CSMD1: variants seen among roughly 807,000 people sequenced by gnomAD.
CSMD1 encodes CUB and sushi domain-containing protein 1.
A neutral mutation model predicts 417.5 loss-of-function variants in CSMD1; 213 were observed. The ratio of observed to expected loss-of-function variants is 0.51; its 90% confidence interval spans 0.46 to 0.57. CSMD1 has a LOEUF of 0.57. Ranked by LOEUF, CSMD1 falls within the 20% of genes least tolerant of loss-of-function variation. CSMD1 has a pLI of 0.00. For synonymous variants in CSMD1, 2,862 were observed against 1,736.8 expected, an observed-to-expected ratio of 1.65 and a Z score of -16.11; for missense variants, 6,923 against 4,529.7, an observed-to-expected ratio of 1.53 and a Z score of -15.17.
intron 2 of CSMD1, among the ~76,000 whole-genome samples, chr8:4,608,796 G>C (rs1297525667): frequency 6.6e-6 from 1 of 152,156 alleles, no homozygotes; most frequent in Non-Finnish European, 1.5e-5. Context: ...CTGAATGTGT[G>C]ATACACATGA....
chr8:4,191,773 G>A (rs1312551094), intron 3 of CSMD1, among the ~76,000 whole-genome samples: 1 of 147,142 alleles, frequency 6.8e-6, no homozygotes, highest in African/African-American at 2.5e-5. Flanking sequence ...TGGTGGTTCA[G>A]TTCATCCTGT....
At position 4,208,805 on chromosome 8, in the gene CSMD1, T is replaced by C. The variant is rs1782820450; in HGVS notation, c.416-176706A>G. Among the ~76,000 whole-genome samples, 4 of 152,340 alleles carry C rather than the reference T, an allele frequency of 2.6e-5. 1 individual carries two copies. Among genetic ancestry groups the C allele is most frequent in the Middle Eastern group, 3.4e-3 (1 of 294 alleles). On this transcript the variant is annotated intron_variant, in intron 3 of 69. Coordinates refer to ENST00000635120, the MANE Select transcript of CSMD1 (RefSeq NM_033225.6). ...CAGAAGAAGAACATCTAGAAAACTG[T>C]CCGGTTTTACAGTTGTTTAATATCT... is the stretch of plus-strand genomic sequence containing the variant.
chr8:4,783,920 A>G (rs1037563375), intron 1 of CSMD1, among the ~76,000 whole-genome samples: 4 of 152,226 alleles, frequency 2.6e-5, no homozygotes, highest in African/African-American at 9.6e-5. Context: ...GACCGTGAAT[A>G]AAAGTTGGCT....
At chr8:3,684,472 G>A (rs910127858) in intron 7 of CSMD1, among the ~76,000 whole-genome samples, 1 of 150,284 alleles carries the variant, frequency 6.7e-6, no homozygotes, top group Non-Finnish European at 1.5e-5. Context: ...TATAGGTTTT[G>A]GGATTTTTCT....
rs1180831789 is a variant in CSMD1, at chr8:3,052,487, G to C, written c.7635C>G (p.Asn2545Lys). 1.3e-6 allele frequency: 2 copies of C among 1,587,606 alleles called. No individual in the cohort carries two copies. The highest frequency in any genetic ancestry group is 1.7e-6 in the Non-Finnish European group (2 of 1,166,334). ...GCTTACACGTGGGCGGCTTCCCCTT[G>C]TTACTCCACAACCCATCTTCTTGAC... is the stretch of plus-strand genomic sequence containing the variant. ...AVCQEDGLWS[N>K]KGKPPTCKPV... The change falls in exon 50 of 70, where the codon AAC becomes AAG. Residue 2545 changes from asparagine (N) to lysine (K), a missense_variant. Coordinates refer to ENST00000635120, the MANE Select transcript of CSMD1 (RefSeq NM_033225.6).
chr8:4,788,166 A>G, intron 1 of CSMD1: 3 of 1,597,162 alleles, frequency 1.9e-6, no homozygotes, highest in South Asian at 1.1e-5. Flanking sequence ...AAAAATCAAG[A>G]AGGCCTGTGG....
intron 12 of CSMD1, among the ~76,000 whole-genome samples, chr8:3,457,308 C>A (rs1816214336): frequency 6.6e-6 from 1 of 152,194 alleles, no homozygotes; most frequent in South Asian, 2.1e-4. Context: ...CACTCCCTGA[C>A]CTTCAGCTCA....
intron 7 of CSMD1, among the ~76,000 whole-genome samples, chr8:3,691,293 G>T (rs1050965669): frequency 1.6e-4 from 24 of 152,054 alleles, no homozygotes; most frequent in African/African-American, 5.3e-4. Flanking sequence ...CTTGACCCTG[G>T]GAGGCGGAGG....
intron 1 of CSMD1, among the ~76,000 whole-genome samples, chr8:4,671,776 C>A (rs1358953171): frequency 6.6e-6 from 1 of 152,108 alleles, no homozygotes; most frequent in Non-Finnish European, 1.5e-5. Context: ...CACAAGCATG[C>A]CTGCTTTCCT....
At chr8:4,826,190 T>C (rs1799815107) in intron 1 of CSMD1, among the ~76,000 whole-genome samples, 1 of 152,072 alleles carries the variant, frequency 6.6e-6, no homozygotes, top group South Asian at 2.1e-4. Context: ...TACCCCAGTG[T>C]TCATTGTTGC....
chr8:3,337,599 T>C (rs889206295), intron 23 of CSMD1, among the ~76,000 whole-genome samples: 4 of 152,176 alleles, frequency 2.6e-5, no homozygotes, highest in African/African-American at 9.7e-5. Flanking sequence ...GTACAGGGAA[T>C]GCATATCCAC....
In CSMD1 at chr8:3,307,741, G is replaced by T; in HGVS notation, c.3904C>A (p.Leu1302Ile). 1 of 1,613,746 alleles carries T rather than the reference G, an allele frequency of 6.2e-7. No homozygotes were observed. The highest frequency in any genetic ancestry group is 8.5e-7 in the Non-Finnish European group (1 of 1,179,718). ...PGYPAPYDNN[L>I]HCTWIIEADP... is the part of the protein sequence containing the mutation. ...GCCTCTATAATCCAGGTGCAGTGGA[G>T]GTTGTTGTCATACGGAGCTGGATAG... Residue 1302 changes from leucine to isoleucine, a missense_variant, in exon 25 of 70, where the codon CTC becomes ATC. By Grantham distance (5) the Leu-to-Ile change is conservative. Transcript: ENST00000635120.
chr8:3,503,517 C>T (rs1427684805), intron 10 of CSMD1, among the ~76,000 whole-genome samples: 2 of 152,238 alleles, frequency 1.3e-5, no homozygotes, highest in Non-Finnish European at 2.9e-5. Context: ...CTTGGTATTT[C>T]ATGCTAAAAT....
chr8:3,460,960 C>A (rs1378071554), intron 12 of CSMD1, among the ~76,000 whole-genome samples: 1 of 152,088 alleles, frequency 6.6e-6, no homozygotes, highest in Non-Finnish European at 1.5e-5. Flanking sequence ...ATGTGGAGGG[C>A]AGTAACAATA....
chr8:3,400,411 A>G (rs1426425512), intron 15 of CSMD1, among the ~76,000 whole-genome samples: 2 of 152,260 alleles, frequency 1.3e-5, no homozygotes, highest in African/African-American at 4.8e-5. Flanking sequence ...AAAAATGGCC[A>G]TATGTATAAT....
intron 3 of CSMD1, among the ~76,000 whole-genome samples, chr8:4,134,409 T>C (rs1362551504): frequency 1.3e-5 from 2 of 152,160 alleles, no homozygotes; most frequent in African/African-American, 4.8e-5. Context: ...GGGATGACCT[T>C]TGAAGACAGA....
chr8:3,353,265 A>C (rs139592543), intron 21 of CSMD1, among the ~76,000 whole-genome samples: 351 of 152,326 alleles, frequency 2.3e-3, no homozygotes, highest in African/African-American at 7.6e-3. Flanking sequence ...TTGAAGAAAC[A>C]TTGGTATACT....
intron 3 of CSMD1, among the ~76,000 whole-genome samples, chr8:4,183,981 C>A (rs975033763): frequency 6.6e-6 from 1 of 152,178 alleles, no homozygotes. Context: ...ATTCTCAGAG[C>A]CTCCGACAGT....
intron 1 of CSMD1, among the ~76,000 whole-genome samples, chr8:4,649,995 C>T (rs190918265): frequency 2.6e-5 from 4 of 152,226 alleles, no homozygotes; most frequent in African/African-American, 4.8e-5. Flanking sequence ...ATAAGACTGT[C>T]GAGAACTTGA....
Sources: allele counts gnomAD v4.1 joint callset (sites outside exome capture counted in the v4.1 genomes callset), GRCh38; gene constraint gnomAD v4.1.1; transcripts MANE v1.5; gene names NCBI Gene and HGNC (gene_info 2026-07-23, HGNC 2026-07-21).